The following KHDRBS2 variants were observed in gnomAD, a reference collection of about 807,000 sequenced individuals.
KHDRBS2 encodes KH domain-containing, RNA-binding, signal transduction-associated protein 2.
A neutral mutation model predicts 44.3 loss-of-function variants in KHDRBS2; 26 were observed. That is an observed-to-expected ratio of 0.59 (90% confidence interval 0.43 to 0.81). The LOEUF is 0.81. Ranked by LOEUF, KHDRBS2 falls within the 40% of genes least tolerant of loss-of-function variation. The pLI is 0.00. For missense variants in KHDRBS2, 476 were observed against 433.1 expected (o/e 1.10, Z -0.88); for synonymous variants, 194 against 151.1 (o/e 1.28, Z -2.08).
chr6:62,058,017 A>G (rs1008547536), intron 2 of KHDRBS2, among the ~76,000 whole-genome samples: 7 of 151,968 alleles, frequency 4.6e-5, no homozygotes, highest in Non-Finnish European at 8.8e-5. Flanking sequence ...TTGGGCATAT[A>G]TATTTTTAAA....
the KHDRBS2 span, among the ~76,000 whole-genome samples, chr6:61,589,050 C>A: frequency 2.6e-5 from 4 of 151,790 alleles, no homozygotes; most frequent in Admixed American, 2.0e-4. Flanking sequence ...TAACATCACA[C>A]ACACTAGGGC....
intron 6 of KHDRBS2, among the ~76,000 whole-genome samples, chr6:61,810,660 A>G (rs1319692575): frequency 7.2e-5 from 11 of 152,160 alleles, no homozygotes; most frequent in Admixed American, 7.2e-4. Flanking sequence ...TGCTTATTAC[A>G]CATTTAAAAA....
At chr6:61,863,477 T>C (rs1797325243) in intron 6 of KHDRBS2, among the ~76,000 whole-genome samples, 1 of 152,182 alleles carries the variant, frequency 6.6e-6, no homozygotes, top group South Asian at 2.1e-4. Context: ...CGAGAGAATC[T>C]GGTATGTTGT....
intron 2 of KHDRBS2, among the ~76,000 whole-genome samples, chr6:62,093,211 A>T (rs1227101924): frequency 6.6e-6 from 1 of 151,358 alleles, no homozygotes; most frequent in Non-Finnish European, 1.5e-5. Flanking sequence ...AATTATCCTG[A>T]CCTTAGATAA....
intron 3 of KHDRBS2, among the ~76,000 whole-genome samples, chr6:61,995,478 A>G (rs188889025): frequency 6.6e-6 from 1 of 152,326 alleles, no homozygotes; most frequent in East Asian, 1.9e-4. Flanking sequence ...CAAGTCAAGA[A>G]GAAGGAACAT....
intron 2 of KHDRBS2, among the ~76,000 whole-genome samples, chr6:62,102,506 G>A (rs984379323): frequency 2.0e-5 from 3 of 152,168 alleles, no homozygotes; most frequent in African/African-American, 4.8e-5. Context: ...GGCCCCAGAG[G>A]GCTGAAGCTC....
the KHDRBS2 span, among the ~76,000 whole-genome samples, chr6:61,667,230 A>T: frequency 6.6e-6 from 1 of 150,856 alleles, no homozygotes; most frequent in African/African-American, 2.4e-5. Context: ...TAGAATAACA[A>T]CTATATTCTC....
intron 4 of KHDRBS2, among the ~76,000 whole-genome samples, chr6:61,947,919 T>TAATAA (rs1763917738): frequency 2.0e-5 from 1 of 50,454 alleles, no homozygotes; most frequent in Non-Finnish European, 5.2e-5. Context: ...CACAAAATAA[T>TAATAA]AATAATAATA....
chr6:62,068,299 T>C (rs767829439), intron 2 of KHDRBS2, among the ~76,000 whole-genome samples: 2 of 151,574 alleles, frequency 1.3e-5, no homozygotes, highest in Non-Finnish European at 3.0e-5. Context: ...TTTCATATGT[T>C]TATCGACTTT....
intron 4 of KHDRBS2, among the ~76,000 whole-genome samples, chr6:61,947,905 C>T (rs1435244129): frequency 7.4e-6 from 1 of 135,266 alleles, no homozygotes; most frequent in Non-Finnish European, 1.6e-5. Context: ...AACCCCCACA[C>T]ACACACAAAA....
chr6:61,750,027 G>A (rs1027513753), intron 6 of KHDRBS2, among the ~76,000 whole-genome samples: 9 of 152,142 alleles, frequency 5.9e-5, no homozygotes, highest in African/African-American at 2.2e-4. Context: ...ATAATAATGA[G>A]GAGTTATTTT....
the KHDRBS2 span, among the ~76,000 whole-genome samples, chr6:61,563,789 C>T: frequency 3.9e-5 from 6 of 151,952 alleles, no homozygotes; most frequent in East Asian, 1.9e-4. Flanking sequence ...CATTATACAG[C>T]GACGTTAGAG....
At chr6:62,069,462 T>A (rs757165076) in intron 2 of KHDRBS2, among the ~76,000 whole-genome samples, 5 of 151,752 alleles carry the variant, frequency 3.3e-5, no homozygotes, top group Admixed American at 6.6e-5. Context: ...ATTTTTTTCT[T>A]GTAATATCAT....
intron 3 of KHDRBS2, among the ~76,000 whole-genome samples, chr6:61,982,068 C>T (rs1340625266): frequency 6.6e-6 from 1 of 152,126 alleles, no homozygotes; most frequent in African/African-American, 2.4e-5. Flanking sequence ...CCATTTTAAG[C>T]TTTTTGTCAT....
In KHDRBS2 at chr6:61,997,843, G is replaced by A. The variant is rs116732917; in HGVS notation, c.337-19631C>T. On this transcript the variant is annotated intron_variant, in intron 3 of 8. Coordinates refer to ENST00000281156, the MANE Select transcript of KHDRBS2 (RefSeq NM_152688.4). ...GCCATTCTCCAAAGATCAATGACAC[G>A]ATTCTATAAGAAATGTACAGTACTA... 8.0e-4 allele frequency among the ~76,000 whole-genome samples: 122 copies of A among 152,144 alleles called. 1 individual carries two copies. Among genetic ancestry groups the A allele is most frequent in the African/African-American group, 2.7e-3 (110 of 41,504 alleles).
At chr6:61,957,153 C>T (rs1164786268) in intron 4 of KHDRBS2, among the ~76,000 whole-genome samples, 25 of 152,134 alleles carry the variant, frequency 1.6e-4, no homozygotes, top group Admixed American at 1.4e-3. Context: ...TTGTGGTTTC[C>T]TATGCCTGTC....
At chr6:61,729,085 C>A (rs1348799928) in intron 7 of KHDRBS2, among the ~76,000 whole-genome samples, 1 of 152,108 alleles carries the variant, frequency 6.6e-6, no homozygotes, top group African/African-American at 2.4e-5. Flanking sequence ...CCTAAATGCC[C>A]ATCACTGATA....
At chr6:61,564,474 G>A in the KHDRBS2 span, among the ~76,000 whole-genome samples, 35 of 152,086 alleles carry the variant, frequency 2.3e-4, no homozygotes, top group Non-Finnish European at 3.7e-4. Flanking sequence ...TTTTGTTGTC[G>A]TAAGTCATTG....
intron 6 of KHDRBS2, among the ~76,000 whole-genome samples, chr6:61,852,152 G>T (rs1362669479): frequency 1.3e-5 from 2 of 151,912 alleles, no homozygotes; most frequent in African/African-American, 2.4e-5. Flanking sequence ...AACCTGGGAG[G>T]CAAAGGTCAC....
Sources: gnomAD v4.1 joint callset for allele counts (sites outside exome capture counted in the v4.1 genomes callset) on GRCh38, gnomAD v4.1.1 for gene constraint, MANE v1.5 for transcripts, NCBI Gene and HGNC (gene_info 2026-07-23, HGNC 2026-07-21) for gene names.